MYOCOS: variants seen among roughly 807,000 people sequenced by gnomAD.
MYOCOS encodes the protein myocilin opposite strand, also known as myocilin opposite strand protein.
upstream of MYOCOS, among the ~76,000 whole-genome samples, chr1:171,619,161 G>T (rs1301360387): frequency 1.3e-5 from 2 of 152,152 alleles, no homozygotes; most frequent in African/African-American, 4.8e-5. Flanking sequence ...ATGGACTTTG[G>T]TATCAAGCAG....
upstream of MYOCOS, among the ~76,000 whole-genome samples, chr1:171,619,760 C>T (rs184324987): frequency 6.7e-4 from 100 of 149,948 alleles, no homozygotes; most frequent in African/African-American, 2.3e-3. Context: ...CATTTGAACC[C>T]GGGAGGTGGA....
chr1:171,614,494 G>A lies in MYOCOS; in HGVS notation c.-251-304G>A, dbSNP rs113191987. Among the ~76,000 whole-genome samples the A allele has an allele frequency of 9.8e-3, 1,493 of 152,292 alleles. 19 individuals are homozygous for A. The highest frequency in any genetic ancestry group is 0.033 in the African/African-American group (1,388 of 41,558). ...GAGTCATCCCAAGTTGAAGCAAGGG[G>A]GCTGAGCCTTCATATCCCCAGTTGT... On this transcript the variant is annotated intron_variant, in intron 1 of 3. Coordinates refer to the MYOCOS transcript ENST00000636697.
chr1:171,608,687 C>T (rs1447349622), intron 1 of MYOCOS, among the ~76,000 whole-genome samples: 1 of 152,084 alleles, frequency 6.6e-6, no homozygotes, highest in Admixed American at 6.5e-5. Flanking sequence ...TCCCAAAGGG[C>T]TGGGATTACA....
chr1:171,620,857 A>C (rs531494352), upstream of MYOCOS, among the ~76,000 whole-genome samples: 83 of 142,344 alleles, frequency 5.8e-4, no homozygotes, highest in African/African-American at 2.1e-3. Flanking sequence ...GCAACCTCTG[A>C]CTCCCGGGTT....
chr1:171,623,085 T>C (rs1198677070), intron 1 of MYOCOS, among the ~76,000 whole-genome samples: 1 of 151,948 alleles, frequency 6.6e-6, no homozygotes, highest in African/African-American at 2.4e-5. Context: ...AAAAATTAGC[T>C]GGGCATGGTG....
intron 1 of MYOCOS, among the ~76,000 whole-genome samples, chr1:171,602,100 C>T (rs189716359): frequency 1.0e-3 from 155 of 150,186 alleles, no homozygotes; most frequent in Non-Finnish European, 1.7e-3. Flanking sequence ...AGGGGGGAGG[C>T]AGAATTTATG....
chr1:171,605,146 C>A (rs1036340740), intron 1 of MYOCOS, among the ~76,000 whole-genome samples: 1 of 151,520 alleles, frequency 6.6e-6, no homozygotes, highest in Non-Finnish European at 1.5e-5. Context: ...CTTCATGTTA[C>A]GTTTGTGGAG....
intron 1 of MYOCOS, among the ~76,000 whole-genome samples, chr1:171,613,801 C>G (rs1652398723): frequency 6.6e-6 from 1 of 152,138 alleles, no homozygotes. Context: ...TCCCAAAGTG[C>G]TAGGATTAGA....
intron 2 of MYOCOS, among the ~76,000 whole-genome samples, chr1:171,625,045 C>A (rs1452339896): frequency 6.6e-6 from 1 of 152,094 alleles, no homozygotes; most frequent in Non-Finnish European, 1.5e-5. Flanking sequence ...TGCCCTTTGA[C>A]CTTAGAGTTT....
At chr1:171,600,981 A>C (rs942998306) in exon 1 of MYOCOS, 7 of 152,246 alleles carry the variant, frequency 4.6e-5, no homozygotes, top group African/African-American at 1.7e-4. Flanking sequence ...TTAAGGGGCT[A>C]CCCGAGGCAG....
chr1:171,604,735 T>A (rs546173964), intron 1 of MYOCOS, among the ~76,000 whole-genome samples: 2 of 152,310 alleles, frequency 1.3e-5, no homozygotes, highest in South Asian at 4.1e-4. Context: ...AGAAAATAAG[T>A]ACATCTGTCA....
At chr1:171,605,502 G>T (rs1445757918) in intron 1 of MYOCOS, among the ~76,000 whole-genome samples, 2 of 151,686 alleles carry the variant, frequency 1.3e-5, no homozygotes, top group Non-Finnish European at 2.9e-5. Context: ...AATCCCACCA[G>T]GACTGGACGG....
At chr1:171,616,823 C>T (rs2102936743) in intron 2 of MYOCOS, among the ~76,000 whole-genome samples, 1 of 152,304 alleles carries the variant, frequency 6.6e-6, no homozygotes, top group African/African-American at 2.4e-5. Context: ...TCCAGAGCGA[C>T]TCAGTGAGTT....
At chr1:171,626,346 T>G (rs1484875571) in intron 2 of MYOCOS, 108 bp from the exon 3 acceptor site, 3 of 392,170 alleles carry the variant, frequency 7.6e-6, no homozygotes, top group Non-Finnish European at 1.3e-5. Context: ...CCTCCCAAAG[T>G]GCTGGGATTA....
chr1:171,622,087 A>C (rs1271412627), upstream of MYOCOS: 1 of 152,190 alleles, frequency 6.6e-6, no homozygotes, highest in Non-Finnish European at 1.5e-5. Context: ...GCATAGAAGA[A>C]GTGCTGTGAA....
intron 1 of MYOCOS, among the ~76,000 whole-genome samples, chr1:171,610,954 T>A (rs1652341788): frequency 6.6e-6 from 1 of 152,236 alleles, no homozygotes; most frequent in Non-Finnish European, 1.5e-5. Context: ...TTCCAGTTGT[T>A]TTCCTTAGAA....
chr1:171,610,489 T>C (rs890951159), intron 1 of MYOCOS, among the ~76,000 whole-genome samples: 1 of 152,166 alleles, frequency 6.6e-6, no homozygotes, highest in Admixed American at 6.5e-5. Flanking sequence ...GGCTGGGAAG[T>C]CCAGGAGCAT....
upstream of MYOCOS, among the ~76,000 whole-genome samples, chr1:171,619,353 T>C (rs918532258): frequency 6.6e-6 from 1 of 152,208 alleles, no homozygotes; most frequent in Non-Finnish European, 1.5e-5. Context: ...TTCAGGAACA[T>C]GTTTCAGCTA....
intron 1 of MYOCOS, among the ~76,000 whole-genome samples, chr1:171,603,676 A>T (rs235890): frequency 6.6e-6 from 1 of 152,124 alleles, no homozygotes; most frequent in Non-Finnish European, 1.5e-5. Context: ...CCTGACCTGA[A>T]AAAACTCTTT....
Sources: allele counts gnomAD v4.1 joint callset (sites outside exome capture counted in the v4.1 genomes callset), GRCh38; gene constraint gnomAD v4.1.1; transcripts MANE v1.5; gene names NCBI Gene and HGNC (gene_info 2026-07-23, HGNC 2026-07-21).